THEMIS: variants seen among roughly 807,000 people sequenced by gnomAD.
The protein encoded by THEMIS is protein THEMIS.
THEMIS carries 37 observed loss-of-function variants against 52.6 expected under a neutral mutation model. The observed-to-expected ratio is 0.70, with a 90% CI of 0.54 to 0.93. The LOEUF (loss-of-function observed/expected upper bound fraction) is 0.93, where lower values mean the gene tolerates loss of function less well. THEMIS is among the 40% of genes least tolerant of loss of function. The pLI is 0.00. For synonymous variants in THEMIS, 292 were observed against 272.7 expected, an observed-to-expected ratio of 1.07 and a Z score of -0.70; for missense variants, 808 against 763.1, an observed-to-expected ratio of 1.06 and a Z score of -0.69.
chr6:127,717,920 T>A (rs1774227919), intron 5 of THEMIS, among the ~76,000 whole-genome samples: 1 of 151,558 alleles, frequency 6.6e-6, no homozygotes, highest in African/African-American at 2.4e-5. Flanking sequence ...GTCTAAGCAT[T>A]AGAAAGAGGA....
intron 3 of THEMIS, among the ~76,000 whole-genome samples, chr6:127,829,184 T>A (rs979585559): frequency 2.0e-5 from 3 of 152,228 alleles, no homozygotes; most frequent in African/African-American, 7.2e-5. Context: ...CTAGTCATAT[T>A]TAACTGGCAG....
rs185975816 is a variant in THEMIS at position 127,899,950 on chromosome 6, G to A, written c.91+892C>T. Among the ~76,000 whole-genome samples, 696 of 148,510 alleles carry A rather than the reference G, an allele frequency of 4.7e-3. 5 individuals are homozygous for A. The highest frequency in any genetic ancestry group is 0.025 in the Middle Eastern group (7 of 276). On this transcript the variant is annotated intron_variant, in intron 1 of 5. Transcript: ENST00000368248. ...AATATATATAAAAACTGGAGCTGAC[G>A]TGTTAATCTTTCTTTTACTTTGCAA...
intron 1 of THEMIS, among the ~76,000 whole-genome samples, chr6:127,859,004 A>G (rs1027335267): frequency 5.3e-5 from 8 of 152,094 alleles, no homozygotes; most frequent in African/African-American, 1.9e-4. Context: ...TTGACAATCC[A>G]TATAAGCAAT....
At chr6:127,802,418 G>C (rs1583294192) in intron 4 of THEMIS, among the ~76,000 whole-genome samples, 1 of 152,290 alleles carries the variant, frequency 6.6e-6, no homozygotes, top group Non-Finnish European at 1.5e-5. Context: ...GGTGGCAGGG[G>C]CCAAGTGGCA....
chr6:127,837,602 T>C (rs1231003013), intron 2 of THEMIS, among the ~76,000 whole-genome samples: 1 of 151,972 alleles, frequency 6.6e-6, no homozygotes, highest in Non-Finnish European at 1.5e-5. Context: ...CATGTGTGTG[T>C]AGTATGTGTA....
intron 1 of THEMIS, among the ~76,000 whole-genome samples, chr6:127,872,421 A>G (rs1247351026): frequency 1.3e-5 from 2 of 151,936 alleles, no homozygotes; most frequent in East Asian, 3.9e-4. Context: ...AAAAGACAAA[A>G]ATTAGCCGGG....
intron 4 of THEMIS, among the ~76,000 whole-genome samples, chr6:127,765,040 G>A (rs922420341): frequency 1.4e-4 from 21 of 151,904 alleles, no homozygotes; most frequent in African/African-American, 4.6e-4. Context: ...AGGGATACCC[G>A]TTGAGACTTT....
At chr6:127,867,191 C>A (rs987349445) in intron 1 of THEMIS, among the ~76,000 whole-genome samples, 1 of 151,916 alleles carries the variant, frequency 6.6e-6, no homozygotes, top group African/African-American at 2.4e-5. Context: ...CAAGTAATTT[C>A]TCTATAATAT....
chr6:127,900,755 T>C (rs2114504589), intron 1 of THEMIS, 87 bp downstream of exon 1: 1 of 1,097,562 alleles, frequency 9.1e-7, no homozygotes, highest in Admixed American at 1.8e-5. Context: ...CTCACATATT[T>C]GCTGTTAAAA....
chr6:127,900,640 T>C (rs1390923961), intron 1 of THEMIS, among the ~76,000 whole-genome samples: 1 of 152,066 alleles, frequency 6.6e-6, no homozygotes, highest in South Asian at 2.1e-4. Flanking sequence ...TTTCTGTCTG[T>C]CCCAGAGTCC....
At chr6:127,816,838 C>CT (rs1480989696) in intron 3 of THEMIS, among the ~76,000 whole-genome samples, 2 of 152,196 alleles carry the variant, frequency 1.3e-5, no homozygotes, top group African/African-American at 4.8e-5. Flanking sequence ...TTGTCTCACT[C>CT]TAACTCCCCG....
intron 3 of THEMIS, among the ~76,000 whole-genome samples, chr6:127,828,406 T>G (rs1307413025): frequency 6.6e-6 from 1 of 152,124 alleles, no homozygotes; most frequent in Non-Finnish European, 1.5e-5. Context: ...CAAAACTACT[T>G]GAAAAGGTAG....
At chr6:127,823,674 T>C (rs1320154222) in intron 3 of THEMIS, among the ~76,000 whole-genome samples, 1 of 152,042 alleles carries the variant, frequency 6.6e-6, no homozygotes, top group Non-Finnish European at 1.5e-5. Flanking sequence ...ATTATACTTA[T>C]TATCATTTAG....
chr6:127,786,017 C>G (rs576566016), intron 4 of THEMIS, among the ~76,000 whole-genome samples: 1 of 151,974 alleles, frequency 6.6e-6, no homozygotes, highest in Non-Finnish European at 1.5e-5. Flanking sequence ...TAGGAAGCAG[C>G]TTTATTTATT....
chr6:127,832,122 C>A (rs1778716400), intron 2 of THEMIS, among the ~76,000 whole-genome samples: 1 of 152,102 alleles, frequency 6.6e-6, no homozygotes, highest in African/African-American at 2.4e-5. Flanking sequence ...ACATAAGTCA[C>A]AGAAGAATTA....
chr6:127,849,260 G>T (rs1381590211), intron 2 of THEMIS, among the ~76,000 whole-genome samples: 1 of 151,892 alleles, frequency 6.6e-6, no homozygotes, highest in Admixed American at 6.6e-5. Flanking sequence ...ATTTCTGAAG[G>T]CTCTGTTCCG....
intron 4 of THEMIS, among the ~76,000 whole-genome samples, chr6:127,753,054 G>T (rs1258808073): frequency 2.0e-5 from 3 of 151,796 alleles, no homozygotes; most frequent in Admixed American, 1.3e-4. Context: ...ATGGAATGAT[G>T]ATTAAAAATC....
chr6:127,698,551 G>C, the THEMIS span, among the ~76,000 whole-genome samples: 1 of 152,154 alleles, frequency 6.6e-6, no homozygotes, highest in South Asian at 2.1e-4. Context: ...AAAAACCTGT[G>C]AGTTTTCTCC....
intron 4 of THEMIS, among the ~76,000 whole-genome samples, chr6:127,809,449 T>C (rs575361997): frequency 2.0e-5 from 3 of 152,278 alleles, no homozygotes; most frequent in South Asian, 2.1e-4. Flanking sequence ...CCTGCCTTCA[T>C]GGTAAAAAAT....
Sources: gnomAD v4.1 joint callset for allele counts (sites outside exome capture counted in the v4.1 genomes callset) on GRCh38, gnomAD v4.1.1 for gene constraint, MANE v1.5 for transcripts, NCBI Gene and HGNC (gene_info 2026-07-23, HGNC 2026-07-21) for gene names.